The following ABHD18 variants were observed in gnomAD, a reference collection of about 807,000 sequenced individuals.
ABHD18 encodes the protein abhydrolase domain containing 18.
In ABHD18, 55 loss-of-function variants were observed where a neutral mutation model predicts 65.9. The observed-to-expected ratio is 0.84, with a 90% CI of 0.67 to 1.05. The LOEUF is 1.05. ABHD18 is among the 50% of genes least tolerant of loss of function. ABHD18 has a pLI of 0.00. For synonymous variants in ABHD18, 181 were observed against 180.2 expected, an observed-to-expected ratio of 1.00 and a Z score of -0.04; for missense variants, 533 against 558.5, an observed-to-expected ratio of 0.95 and a Z score of 0.46.
chr4:128,017,961 C>T (rs993386730), intron 8 of ABHD18, among the ~76,000 whole-genome samples: 2 of 152,150 alleles, frequency 1.3e-5, no homozygotes, highest in Admixed American at 1.3e-4. Context: ...ACCATTTCTC[C>T]TCCACACCCT....
At chr4:128,013,981 T>TA (rs1464562988) in intron 7 of ABHD18, among the ~76,000 whole-genome samples, 1 of 141,242 alleles carries the variant, frequency 7.1e-6, no homozygotes, top group African/African-American at 2.6e-5. Flanking sequence ...TTCCACCTTT[T>TA]TTTTTTTTTT....
chr4:127,998,878 GTACTTAGGAACTTTAAACATCTTT>G (rs1752215791), intron 4 of ABHD18, among the ~76,000 whole-genome samples: 1 of 151,968 alleles, frequency 6.6e-6, no homozygotes, highest in South Asian at 2.1e-4. Context: ...GGTACTTTAC[GTACTTAGGAACTTTAAACATCTTT>G]TGAATGATTA....
chr4:127,969,050 G>A (rs191729831), intron 1 of ABHD18, among the ~76,000 whole-genome samples: 13 of 152,224 alleles, frequency 8.5e-5, no homozygotes, highest in African/African-American at 2.2e-4. Context: ...CTATATGTGC[G>A]TTTGATTTAC....
At chr4:128,020,586 G>A (rs1342640599) in intron 9 of ABHD18, among the ~76,000 whole-genome samples, 1 of 152,176 alleles carries the variant, frequency 6.6e-6, no homozygotes, top group Non-Finnish European at 1.5e-5. Flanking sequence ...AGGAAAGCAG[G>A]TGTTCAGCAG....
intron 7 of ABHD18, 44 bp from the exon 8 acceptor site, chr4:128,017,319 A>G (rs1755680298): frequency 1.3e-6 from 2 of 1,590,056 alleles, no homozygotes; most frequent in Admixed American, 1.8e-5. Context: ...ATTAGCATGT[A>G]AATACATAAA....
chr4:127,987,470 G>GATCC (rs1750167579), intron 3 of ABHD18, among the ~76,000 whole-genome samples: 1 of 152,132 alleles, frequency 6.6e-6, no homozygotes, highest in African/African-American at 2.4e-5. Context: ...AGCACTTTGG[G>GATCC]AGGCTGAGGA....
At position 127,989,683 on chromosome 4, in the gene ABHD18, G is replaced by A. The variant is rs376031464; in HGVS notation, c.178-38G>A. On this transcript the variant is annotated intron_variant, in intron 3 of 12. Transcript: ENST00000645843. ...ATCCATGACAGACCAAGATATCTTA[G>A]TTTTCTTGCATACATCTTGGTTTTG... is the stretch of plus-strand genomic sequence containing the variant. 10 of 1,378,002 alleles carry A rather than the reference G, an allele frequency of 7.3e-6. No homozygotes were observed. In the African/African-American group the frequency reaches 1.4e-4, roughly 20 times the overall value. The allele number at this position is 1,378,002 out of a possible 1,614,324, so 85.4% of individuals were successfully genotyped here. A position where few individuals can be genotyped will look rare whatever the true frequency, so the allele number is the denominator to read the frequency against.
At chr4:127,969,204 C>CTTTTTTTTTTTTT (rs372720678) in intron 1 of ABHD18, among the ~76,000 whole-genome samples, 1 of 139,066 alleles carries the variant, frequency 7.2e-6, no homozygotes. Context: ...TTTCTTTTTT[C>CTTTTTTTTTTTTT]TTTTTTTTTT....
chr4:127,975,576 G>A (rs1291647960), intron 1 of ABHD18, among the ~76,000 whole-genome samples: 2 of 152,150 alleles, frequency 1.3e-5, no homozygotes, highest in Non-Finnish European at 2.9e-5. Context: ...TCTGCCAATG[G>A]ACACTAAAAG....
intron 8 of ABHD18, among the ~76,000 whole-genome samples, chr4:128,019,401 C>T (rs1229010635): frequency 1.3e-5 from 2 of 152,168 alleles, no homozygotes; most frequent in Non-Finnish European, 2.9e-5. Flanking sequence ...AGTATATTGG[C>T]TGTTTCCCTA....
intron 4 of ABHD18, among the ~76,000 whole-genome samples, chr4:127,999,073 T>C (rs957711650): frequency 2.0e-5 from 3 of 150,676 alleles, no homozygotes; most frequent in African/African-American, 7.3e-5. Context: ...TATATATATA[T>C]TTTTAAAAAA....
intron 4 of ABHD18, among the ~76,000 whole-genome samples, chr4:128,003,970 A>C (rs550865053): frequency 2.0e-5 from 3 of 151,210 alleles, no homozygotes; most frequent in African/African-American, 4.9e-5. Flanking sequence ...AAACAAAAAA[A>C]AACCAAACAA....
rs923573848 is a variant in ABHD18 at position 128,039,751 on chromosome 4, G to A, written c.*3938G>A. 4.6e-5 allele frequency: 7 copies of A among 151,608 alleles called. No individual in the cohort carries two copies. The highest frequency in any genetic ancestry group is 1.2e-4 in the African/African-American group (5 of 41,252). 9.4% of individuals were successfully genotyped at this position (151,608 alleles called of 1,614,324 possible). ...TTTCAAGAGGTATTATTGTAAATAC[G>A]GTAGACACATGTCACATTTGATTAA... On this transcript the variant is annotated 3_prime_UTR_variant, in exon 13 of 13. Transcript: ENST00000645843.
chr4:127,984,095 T>C (rs1749552894), intron 2 of ABHD18, among the ~76,000 whole-genome samples: 1 of 152,144 alleles, frequency 6.6e-6, no homozygotes, highest in African/African-American at 2.4e-5. Context: ...CCTTTAATTT[T>C]GAGTCTTGTA....
intron 7 of ABHD18, among the ~76,000 whole-genome samples, chr4:128,012,332 C>T (rs766924962): frequency 1.4e-4 from 22 of 152,146 alleles, no homozygotes; most frequent in Non-Finnish European, 2.9e-4. Context: ...TTTATTCTTA[C>T]AATGCATAGT....
chr4:127,986,339 T>C (rs751191838), intron 3 of ABHD18, among the ~76,000 whole-genome samples: 1 of 152,246 alleles, frequency 6.6e-6, no homozygotes, highest in Non-Finnish European at 1.5e-5. Flanking sequence ...TGTTGTAGCA[T>C]GTGTCAGTAC....
At chr4:128,007,363 T>C (rs1004591668) in intron 4 of ABHD18, among the ~76,000 whole-genome samples, 1 of 149,026 alleles carries the variant, frequency 6.7e-6, no homozygotes, top group African/African-American at 2.5e-5. Flanking sequence ...AAAATGTATA[T>C]TCCACCAGAG....
chr4:128,017,490 A>G lies in ABHD18; in HGVS notation c.598A>G (p.Met200Val), dbSNP rs765922969. The change falls in exon 8 of 13, where the codon ATG becomes GTG. Residue 200 changes from methionine to valine, a missense_variant. By Grantham distance (21) the Met-to-Val change is conservative. Coordinates refer to ENST00000645843, the MANE Select transcript of ABHD18 (RefSeq NM_001358451.3). ...CCCTTTAGGAATGACTGGAATATCC[A>G]TGGGAGGACACGTAAGCCTTTTTAT... ...YGPLGMTGIS[M>V]GGHMASLAVS... 1.9e-6 allele frequency: 3 copies of G among 1,610,660 alleles called. No individual in the cohort carries two copies. Among genetic ancestry groups the G allele is most frequent in the Non-Finnish European group, 2.5e-6 (3 of 1,178,984 alleles).
intron 7 of ABHD18, 139 bp downstream of exon 7, chr4:128,011,839 T>G: frequency 3.6e-5 from 17 of 475,962 alleles, no homozygotes; most frequent in Non-Finnish European, 4.7e-5. Context: ...TATGAAACTG[T>G]AGTATGAATA....
Sources: allele counts gnomAD v4.1 joint callset (sites outside exome capture counted in the v4.1 genomes callset), GRCh38; gene constraint gnomAD v4.1.1; transcripts MANE v1.5; gene names NCBI Gene and HGNC (gene_info 2026-07-23, HGNC 2026-07-21).